TBL3: variants seen among roughly 807,000 people sequenced by gnomAD.
TBL3 encodes the protein transducin beta-like protein 3.
Under a neutral mutation model 102.7 loss-of-function variants are expected in TBL3, and 71 were observed. The ratio of observed to expected loss-of-function variants is 0.69; its 90% CI spans 0.57 to 0.84. The LOEUF (loss-of-function observed/expected upper bound fraction) is 0.84. Ranked by LOEUF, TBL3 falls within the 40% of genes least tolerant of loss-of-function variation. The pLI is 0.00. For synonymous variants in TBL3, 578 were observed against 477.7 expected, an observed-to-expected ratio of 1.21 and a Z score of -2.74; for missense variants, 1,188 against 1,098.5, an observed-to-expected ratio of 1.08 and a Z score of -1.15.
chr16:1,981,221 A>G lies in TBL3; in HGVS notation c.*2536A>G. ...CTGCAGATTCCTGAAATGGGCGAGGACCCTTCTGCCTCCCCGTGCTTGAGA... is the reference window on the plus strand; with the variant it reads ...CTGCAGATTCCTGAAATGGGCGAGGGCCCTTCTGCCTCCCCGTGCTTGAGA... On this transcript the variant is annotated 3_prime_UTR_variant, in exon 22 of 22. Coordinates refer to ENST00000568546, the MANE Select transcript of TBL3 (RefSeq NM_006453.3). 13 of 1,611,982 alleles carry G rather than the reference A, an allele frequency of 8.1e-6. No homozygotes were observed. The highest frequency in any genetic ancestry group is 8.5e-6 in the Non-Finnish European group (10 of 1,179,614).
rs1312619407 is a variant in TBL3, at chr16:1,980,771, C to G, written c.*2086C>G. On this transcript the variant is annotated 3_prime_UTR_variant, in exon 22 of 22. Transcript: ENST00000568546. ...CAGGGCATTGGTCTTCCAGAGCCCA[C>G]TGTGCACCCTTGAGAGGGCGGGGTC... is the stretch of plus-strand genomic sequence containing the variant. The G allele has an allele frequency of 6.4e-7, 1 of 1,554,770 alleles. No individual in the cohort carries two copies. The highest frequency in any genetic ancestry group is 8.8e-7 in the Non-Finnish European group (1 of 1,142,410).
At position 1,978,902 on chromosome 16, in the gene TBL3, C is replaced by T. The variant is rs2083432113; in HGVS notation, c.*217C>T. 1 of 1,103,604 alleles carries T rather than the reference C, an allele frequency of 9.1e-7. No individual in the cohort carries two copies. The highest frequency in any genetic ancestry group is 1.6e-5 in the African/African-American group (1 of 62,848). 68.4% of individuals were successfully genotyped at this position (1,103,604 alleles called of 1,614,324 possible). A position where few individuals can be genotyped will look rare whatever the true frequency, so the allele number is the denominator to read the frequency against. On this transcript the variant is annotated 3_prime_UTR_variant, in exon 22 of 22. Coordinates refer to ENST00000568546, the MANE Select transcript of TBL3 (RefSeq NM_006453.3). ...GAGATCCAGCCCGCGGCTCCGCACG[C>T]TTAGACGGTGGGGGTCATGCAGAAC...
Position 1,981,371 on chromosome 16 carries a change from G to C in TBL3, c.*2686G>C, listed in dbSNP as rs2083506744. The C allele has an allele frequency of 2.2e-6, 3 of 1,375,366 alleles. No homozygotes were observed. The highest frequency in any genetic ancestry group is 2.9e-6 in the Non-Finnish European group (3 of 1,046,454). 85.2% of individuals were successfully genotyped at this position (1,375,366 alleles called of 1,614,324 possible). On this transcript the variant is annotated 3_prime_UTR_variant, in exon 22 of 22. Transcript: ENST00000568546. ...CTTTCTTGCTGTCCCCCAAGCCCACGATCTGGGGGCAGGAGCACAGGGATT... is the reference window on the plus strand; with the variant it reads ...CTTTCTTGCTGTCCCCCAAGCCCACCATCTGGGGGCAGGAGCACAGGGATT...
Position 1,975,016 on chromosome 16 carries a change from C to T in TBL3, c.553C>T (p.Arg185Trp), listed in dbSNP as rs200422750. The T allele has an allele frequency of 1.5e-5, 24 of 1,607,138 alleles. No homozygotes were observed. In the South Asian group the frequency reaches 1.6e-4, roughly 11 times the overall value. ...CATCCGCGTGTGGTCACTGCAGGACCGGTCATGCCTGGCTGTGCTGACTGC... is the reference window on the plus strand; with the variant it reads ...CATCCGCGTGTGGTCACTGCAGGACTGGTCATGCCTGGCTGTGCTGACTGC... ...AAIRVWSLQDRSCLAVLTAHY... is the reference protein window; with the variant it reads ...AAIRVWSLQDWSCLAVLTAHY... The change falls in exon 7 of 22, where the codon CGG (arginine) becomes TGG (tryptophan). Residue 185 changes from arginine to tryptophan, a missense_variant. Coordinates refer to ENST00000568546, the MANE Select transcript of TBL3 (RefSeq NM_006453.3).
In TBL3 at chr16:1,981,319, G is replaced by C. The variant is rs1348691829; in HGVS notation, c.*2634G>C. The C allele has an allele frequency of 6.9e-7, 1 of 1,457,010 alleles. No homozygotes were observed. The highest frequency in any genetic ancestry group is 9.0e-7 in the Non-Finnish European group (1 of 1,107,012). The allele number at this position is 1,457,010 out of a possible 1,614,324, so 90.3% of individuals were successfully genotyped here. On this transcript the variant is annotated 3_prime_UTR_variant, in exon 22 of 22. Coordinates refer to ENST00000568546, the MANE Select transcript of TBL3 (RefSeq NM_006453.3). Reference sequence around the variant, plus strand: ...ACCTCAAGCCTGTGGGGTCCTTGTGGAGCCGCCCCAGCTGAGTCCTTTGCA... The same window carrying C: ...ACCTCAAGCCTGTGGGGTCCTTGTGCAGCCGCCCCAGCTGAGTCCTTTGCA...
Position 1,977,753 on chromosome 16 carries a change from G to GGCGGAGCAGGCA in TBL3, c.1913_1924dup (p.Ala638_Ala641dup). 6.4e-7 allele frequency: 1 copy of GGCGGAGCAGGCA among 1,554,702 alleles called. No individual in the cohort carries two copies. Among genetic ancestry groups the GGCGGAGCAGGCA allele is most frequent in the South Asian group, 1.2e-5 (1 of 84,550 alleles). ...TAGTCTAACCCCAGGATGTGACCGA[G>GGCGGAGCAGGCA]GCGGAGCAGGCAGAGGAGCAGGCCA... On this transcript the variant is annotated inframe_insertion, in exon 18 of 22. Transcript: ENST00000568546.
Position 1,977,766 on chromosome 16 carries a change from G to C in TBL3, c.1924G>C (p.Glu642Gln). The C allele has an allele frequency of 4.5e-6, 7 of 1,555,870 alleles. No homozygotes were observed. The highest frequency in any genetic ancestry group is 6.1e-6 in the Non-Finnish European group (7 of 1,149,140). The change falls in exon 18 of 22, where the codon GAG becomes CAG. Residue 642 changes from glutamate to glutamine, a missense_variant. Physicochemically the swap from Glu to Gln is conservative, Grantham distance 29. Coordinates refer to ENST00000568546, the MANE Select transcript of TBL3 (RefSeq NM_006453.3). ...GGATGTGACCGAGGCGGAGCAGGCA[G>C]AGGAGCAGGCCAGGCAAGAGGAGCA... Reference protein sequence around the residue: ...WKDVTEAEQAEEQARQEEQVV... With the variant: ...WKDVTEAEQAQEQARQEEQVV...
At chr16:1,973,323 GA>G (rs59669934) in intron 1 of TBL3, among the ~76,000 whole-genome samples, 17,164 of 152,160 alleles carry the variant, frequency 0.11, 1,067 homozygotes, top group African/African-American at 0.12. Flanking sequence ...CAGCTACTCG[GA>G]GAGGCTGAGG....
Position 1,974,683 on chromosome 16 carries a change from G to T in TBL3, c.379+4G>T, listed in dbSNP as rs768025360. 1.9e-6 allele frequency: 3 copies of T among 1,610,528 alleles called. No homozygotes were observed. The highest frequency in any genetic ancestry group is 2.5e-6 in the Non-Finnish European group (3 of 1,178,190). On this transcript the variant is annotated splice_donor_region_variant and intron_variant, in intron 5 of 21. Coordinates refer to ENST00000568546, the MANE Select transcript of TBL3 (RefSeq NM_006453.3). Reference sequence around the variant, plus strand: ...ACCTCCACTCTGCTAGCCACAGGTAGGGCCCTGCCGTGCAGGTGGGTCGTG... The same window carrying T: ...ACCTCCACTCTGCTAGCCACAGGTATGGCCCTGCCGTGCAGGTGGGTCGTG...
Position 1,979,783 on chromosome 16 carries a change from C to A in TBL3, c.*1098C>A. 1 of 1,528,690 alleles carries A rather than the reference C, an allele frequency of 6.5e-7. No individual in the cohort carries two copies. Among genetic ancestry groups the A allele is most frequent in the Non-Finnish European group, 8.8e-7 (1 of 1,135,788 alleles). The allele number at this position is 1,528,690 out of a possible 1,614,324, so 94.7% of individuals were successfully genotyped here. A position where few individuals can be genotyped will look rare whatever the true frequency, so the allele number is the denominator to read the frequency against. On this transcript the variant is annotated 3_prime_UTR_variant, in exon 22 of 22. Transcript: ENST00000568546. ...TGGTGGCGTGAGGGGTGGGGTTAGG[C>A]GCATACCGCTGCTCCCTAGGGACGG...
Position 1,975,218 on chromosome 16 carries a change from G to A in TBL3, c.667G>A (p.Asp223Asn). Residue 223 changes from aspartate to asparagine, a missense_variant, in exon 8 of 22, where the codon GAC becomes AAC. Coordinates refer to ENST00000568546, the MANE Select transcript of TBL3 (RefSeq NM_006453.3). The stretch of plus-strand genomic sequence containing the variant: ...CCGTGACAAGATATGTATCATCTGG[G>A]ACCTTCAGAGCTGCCAGGCCACGAG... ...SGRDKICIIW[D>N]LQSCQATRTV... 1 of 1,613,912 alleles carries A rather than the reference G, an allele frequency of 6.2e-7. No homozygotes were observed. Among genetic ancestry groups the A allele is most frequent in the Admixed American group, 1.7e-5 (1 of 60,026 alleles).
In TBL3 at chr16:1,979,819, C is replaced by T. The variant is rs192494277; in HGVS notation, c.*1134C>T. ...GCTCCCTAGGGACGGGCCTCCCTCC[C>T]GGCCTTGGCCCGGGGCCGCCTCCTC... On this transcript the variant is annotated 3_prime_UTR_variant, in exon 22 of 22. Transcript: ENST00000568546. 3.8e-6 allele frequency: 6 copies of T among 1,565,722 alleles called. No individual in the cohort carries two copies. Among genetic ancestry groups the T allele is most frequent in the African/African-American group, 1.4e-5 (1 of 73,778 alleles).
At chr16:1,972,273 C>T (rs909359377) in intron 1 of TBL3, 68 bp downstream of exon 1, 24 of 1,286,888 alleles carry the variant, frequency 1.9e-5, no homozygotes, top group Admixed American at 4.2e-5. Context: ...CGGAGGCGCG[C>T]GTGGGGTGGG....
chr16:1,980,816 G>A lies in TBL3; in HGVS notation c.*2131G>A, dbSNP rs1567332160. ...GGGGTCCCTCACCCGGATGGCAGGG[G>A]CTGGGAGCTTCAGCAGGGACGAAGG... On this transcript the variant is annotated 3_prime_UTR_variant, in exon 22 of 22. Transcript: ENST00000568546. 1.3e-6 allele frequency: 2 copies of A among 1,484,030 alleles called. No individual in the cohort carries two copies. The highest frequency in any genetic ancestry group is 2.4e-5 in the South Asian group (2 of 84,686). 91.9% of individuals were successfully genotyped at this position (1,484,030 alleles called of 1,614,324 possible).
Position 1,976,879 on chromosome 16 carries a change from A to G in TBL3, c.1358A>G (p.Lys453Arg). ...ACTGTGAAGCTGTGGCCTCTTCCCAAAGCCTTGCTGTCCAAGAACACAGCC... is the reference window on the plus strand; with the variant it reads ...ACTGTGAAGCTGTGGCCTCTTCCCAGAGCCTTGCTGTCCAAGAACACAGCC... ...DCTVKLWPLPKALLSKNTAPD... is the reference protein window; with the variant it reads ...DCTVKLWPLPRALLSKNTAPD... The change falls in exon 14 of 22, where the codon AAA (lysine) becomes AGA (arginine). Residue 453 changes from lysine to arginine, a missense_variant. Transcript: ENST00000568546. 7 of 1,613,874 alleles carry G rather than the reference A, an allele frequency of 4.3e-6. No individual in the cohort carries two copies. The highest frequency in any genetic ancestry group is 5.9e-6 in the Non-Finnish European group (7 of 1,179,974).
At chr16:1,972,803 G>C (rs35438477) in intron 1 of TBL3, among the ~76,000 whole-genome samples, 9,749 of 152,294 alleles carry the variant, frequency 0.064, 441 homozygotes, top group Non-Finnish European at 0.085. Context: ...GTCCCAGGCT[G>C]GCAGCACCGT....
Position 1,977,988 on chromosome 16 carries a change from G to A in TBL3, c.1989G>A (p.Glu663=), listed in dbSNP as rs144088288. ...RQQELDNLLH[E]KRYLRALGLA... is the part of the protein sequence containing the mutation. ...AAGAGCTGGACAACCTGCTGCATGA[G>A]AAGCGGTACCTGCGGGCGCTGGGCC... The change falls in exon 19 of 22, where the codon GAG becomes GAA. Residue 663 remains glutamate, a synonymous_variant. Transcript: ENST00000568546. 5.6e-6 allele frequency: 9 copies of A among 1,605,268 alleles called. No homozygotes were observed. The African/African-American group carries it at 1.2e-4, about 21-fold the overall frequency.
Position 1,972,089 on chromosome 16 carries a change from C to G in TBL3, c.-76C>G. On this transcript the variant is annotated 5_prime_UTR_variant, in exon 1 of 22. Coordinates refer to ENST00000568546, the MANE Select transcript of TBL3 (RefSeq NM_006453.3). ...GGAGTGTGGCGTTCTGTGAAGAGTT[C>G]GGTGCTAACCTCCCTCACGCGGCGG... The G allele has an allele frequency of 1.4e-6, 2 of 1,405,578 alleles. No individual in the cohort carries two copies. The highest frequency in any genetic ancestry group is 3.1e-5 in the East Asian group (1 of 32,584). 87.1% of individuals were successfully genotyped at this position (1,405,578 alleles called of 1,614,324 possible).
chr16:1,972,248 T>A (rs1376569664), intron 1 of TBL3, 43 bp downstream of exon 1: 1 of 1,309,676 alleles, frequency 7.6e-7, no homozygotes, highest in Non-Finnish European at 9.8e-7. Context: ...GGAGCTGGGT[T>A]TGCAGCCGGC....
Sources: allele counts gnomAD v4.1 joint callset (sites outside exome capture counted in the v4.1 genomes callset), GRCh38; gene constraint gnomAD v4.1.1; transcripts MANE v1.5; gene names NCBI Gene and HGNC (gene_info 2026-07-23, HGNC 2026-07-21).